The following TRPC4 variants were observed in gnomAD, a reference collection of about 807,000 sequenced individuals.
The protein encoded by TRPC4 is short transient receptor potential channel 4.
TRPC4 carries 49 observed loss-of-function variants against 99.4 expected under a neutral mutation model. The observed-to-expected ratio is 0.49, with a 90% CI of 0.39 to 0.63. The LOEUF (loss-of-function observed/expected upper bound fraction) is 0.63. Among genes scored for constraint, TRPC4 ranks in the 20% least tolerant of loss-of-function variants. The pLI, the probability that TRPC4 is intolerant of heterozygous loss-of-function variation, is 0.00. For missense variants in TRPC4, 898 were observed against 1,152.9 expected (o/e 0.78, Z 3.20); for synonymous variants, 454 against 425.9 (o/e 1.07, Z -0.81).
intron 2 of TRPC4, among the ~76,000 whole-genome samples, chr13:37,776,684 A>G (rs778889337): frequency 7.9e-5 from 12 of 151,928 alleles, no homozygotes; most frequent in South Asian, 2.1e-4. Flanking sequence ...CTGTCTTGGT[A>G]TACAATGTCA....
chr13:37,662,587 T>C (rs1434263393), intron 6 of TRPC4, among the ~76,000 whole-genome samples: 1 of 152,248 alleles, frequency 6.6e-6, no homozygotes, highest in African/African-American at 2.4e-5. Context: ...CAAGATTCTA[T>C]GATGGCTCAT....
intron 2 of TRPC4, among the ~76,000 whole-genome samples, chr13:37,752,498 T>C (rs73168473): frequency 0.038 from 5,829 of 151,986 alleles, 160 homozygotes; most frequent in Non-Finnish European, 0.06. Flanking sequence ...CGGTCACAGA[T>C]AGTGAAACAA....
chr13:37,800,351 A>C (rs939109299), intron 1 of TRPC4, among the ~76,000 whole-genome samples: 2 of 152,154 alleles, frequency 1.3e-5, no homozygotes, highest in Non-Finnish European at 2.9e-5. Flanking sequence ...ATAAAGGTGC[A>C]CACCACTGCA....
At chr13:37,700,347 A>G (rs897589673) in intron 3 of TRPC4, among the ~76,000 whole-genome samples, 1 of 152,192 alleles carries the variant, frequency 6.6e-6, no homozygotes, top group Non-Finnish European at 1.5e-5. Context: ...CTGGCCTTCC[A>G]TGAATGGGCT....
intron 1 of TRPC4, among the ~76,000 whole-genome samples, chr13:37,830,432 G>C (rs1047169629): frequency 1.3e-5 from 2 of 151,840 alleles, no homozygotes; most frequent in African/African-American, 2.4e-5. Context: ...TTGCTTGCTG[G>C]ACATGATGGC....
At position 37,858,849 on chromosome 13, in the gene TRPC4, G is replaced by T. The variant is rs138725482; in HGVS notation, c.-28+10746C>A. Reference sequence around the variant, plus strand: ...AGCACAAAAAATAGTTTGAAAGAATGAATAATATGTAGTATTTGATATCAC... The same window carrying T: ...AGCACAAAAAATAGTTTGAAAGAATTAATAATATGTAGTATTTGATATCAC... On this transcript the variant is annotated intron_variant, in intron 1 of 10. Coordinates refer to ENST00000379705, the MANE Select transcript of TRPC4 (RefSeq NM_016179.4). Among the ~76,000 whole-genome samples, 128 of 151,244 alleles carry T rather than the reference G, an allele frequency of 8.5e-4. 2 individuals carry two copies. Among genetic ancestry groups the T allele is most frequent in the African/African-American group, 2.9e-3 (118 of 41,322 alleles).
chr13:37,818,957 A>G (rs1230057623), intron 1 of TRPC4, among the ~76,000 whole-genome samples: 1 of 152,060 alleles, frequency 6.6e-6, no homozygotes, highest in Non-Finnish European at 1.5e-5. Flanking sequence ...CAATTAAAAA[A>G]AATACATGTG....
chr13:37,809,518 C>A (rs1354964125), intron 1 of TRPC4, among the ~76,000 whole-genome samples: 5 of 150,690 alleles, frequency 3.3e-5, no homozygotes, highest in Non-Finnish European at 7.4e-5. Context: ...AAATATACTA[C>A]CAGAGTAATT....
Position 37,808,851 on chromosome 13 carries a change from T to G in TRPC4, c.-27-25491A>C, listed in dbSNP as rs189631540. ...GGCATTCCTTAATAAATACCCAGCA[T>G]GCTAACTTCCATCTCACCGTATGTA... On this transcript the variant is annotated intron_variant, in intron 1 of 10. Transcript: ENST00000379705. Among the ~76,000 whole-genome samples, 475 of 151,912 alleles carry G rather than the reference T, an allele frequency of 3.1e-3. 3 individuals are homozygous for G. The highest frequency in any genetic ancestry group is 0.011 in the African/African-American group (454 of 41,330).
chr13:37,794,054 T>C (rs1039084293), intron 1 of TRPC4, among the ~76,000 whole-genome samples: 2 of 152,154 alleles, frequency 1.3e-5, no homozygotes, highest in African/African-American at 4.8e-5. Flanking sequence ...TATTGCATTT[T>C]ACTGTCACAG....
chr13:37,829,780 T>C (rs948282513), intron 1 of TRPC4, among the ~76,000 whole-genome samples: 1 of 152,116 alleles, frequency 6.6e-6, no homozygotes, highest in Non-Finnish European at 1.5e-5. Context: ...ATCAAATATA[T>C]ATATATAATA....
chr13:37,657,571 A>G (rs1303149537), intron 6 of TRPC4, among the ~76,000 whole-genome samples: 1 of 152,220 alleles, frequency 6.6e-6, no homozygotes, highest in African/African-American at 2.4e-5. Context: ...GGTTTTCCTG[A>G]CATGAATAGC....
At chr13:37,782,704 C>T (rs954145054) in intron 2 of TRPC4, among the ~76,000 whole-genome samples, 2 of 151,882 alleles carry the variant, frequency 1.3e-5, no homozygotes, top group African/African-American at 4.8e-5. Context: ...ACTTAAATTA[C>T]TTTATTTTGC....
chr13:37,829,701 A>G (rs1302386396), intron 1 of TRPC4, among the ~76,000 whole-genome samples: 1 of 152,218 alleles, frequency 6.6e-6, no homozygotes, highest in African/African-American at 2.4e-5. Flanking sequence ...GTGAATGTTT[A>G]TAGTAGCACT....
At chr13:37,768,857 C>T (rs1333963072) in intron 2 of TRPC4, among the ~76,000 whole-genome samples, 1 of 151,348 alleles carries the variant, frequency 6.6e-6, no homozygotes, top group Non-Finnish European at 1.5e-5. Context: ...ACAACCTTTG[C>T]CTACTTTCTG....
Position 37,824,857 on chromosome 13 carries a change from C to T in TRPC4, c.-27-41497G>A, listed in dbSNP as rs201140093. Among the ~76,000 whole-genome samples, 247 of 151,940 alleles carry T rather than the reference C, an allele frequency of 1.6e-3. 4 individuals are homozygous for T. In the East Asian group the frequency reaches 0.044, roughly 27 times the overall value. On this transcript the variant is annotated intron_variant, in intron 1 of 10. Transcript: ENST00000379705. ...GTTTCAGAAGGAATGGTACCAGTTC[C>T]TCCTTGTACCTCTGGCAGAATTCGG...
At chr13:37,780,743 C>T (rs1956817364) in intron 2 of TRPC4, among the ~76,000 whole-genome samples, 1 of 152,014 alleles carries the variant, frequency 6.6e-6, no homozygotes, top group African/African-American at 2.4e-5. Context: ...TTTCATGTTG[C>T]TGAAACTTCA....
chr13:37,788,569 C>A (rs191838987), intron 1 of TRPC4, among the ~76,000 whole-genome samples: 84 of 150,762 alleles, frequency 5.6e-4, no homozygotes, highest in African/African-American at 1.7e-3. Flanking sequence ...CCCTGCCAGT[C>A]TTCCCTAATG....
At chr13:37,655,315 A>C in intron 6 of TRPC4, 32 bp from the exon 7 acceptor site, 1 of 1,313,960 alleles carries the variant, frequency 7.6e-7, no homozygotes, top group Non-Finnish European at 1.0e-6. Flanking sequence ...ACTAATAGCT[A>C]TATTAATGGA....
Sources: gnomAD v4.1 joint callset for allele counts (sites outside exome capture counted in the v4.1 genomes callset) on GRCh38, gnomAD v4.1.1 for gene constraint, MANE v1.5 for transcripts, NCBI Gene and HGNC (gene_info 2026-07-23, HGNC 2026-07-21) for gene names.